The following ZNF366 variants were observed in gnomAD, a reference collection of about 807,000 sequenced individuals.
ZNF366 encodes the protein zinc finger protein 366.
A neutral mutation model predicts 47.2 loss-of-function variants in ZNF366; 20 were observed. The observed-to-expected ratio is 0.42, with a 90% CI of 0.30 to 0.62. ZNF366 has a LOEUF of 0.62. Ranked by LOEUF, ZNF366 falls within the 20% of genes least tolerant of loss-of-function variation. ZNF366 has a pLI of 0.16. For synonymous variants in ZNF366, 421 were observed against 395.1 expected, an observed-to-expected ratio of 1.07 and a Z score of -0.78; for missense variants, 987 against 976.3, an observed-to-expected ratio of 1.01 and a Z score of -0.15.
At chr5:72,465,463 A>T (rs1361391269) in intron 1 of ZNF366, among the ~76,000 whole-genome samples, 1 of 152,228 alleles carries the variant, frequency 6.6e-6, no homozygotes, top group Admixed American at 6.5e-5. Context: ...GGGTGTCCTC[A>T]GCAAAAATAT....
chr5:72,447,412 A>G lies in ZNF366; in HGVS notation c.1530T>C (p.Cys510=), dbSNP rs751566835. 6.2e-7 allele frequency: 1 copy of G among 1,614,082 alleles called. No individual in the cohort carries two copies. ...SDVKPFKCKL[C]GKEFNRMHNL... is the part of the protein sequence containing the mutation. ...TGTGCATCCGGTTGAATTCCTTCCCACAAAGCTGTTGAAGATGGGGATGAG... is the reference window on the plus strand; with the variant it reads ...TGTGCATCCGGTTGAATTCCTTCCCGCAAAGCTGTTGAAGATGGGGATGAG... Residue 510 remains cysteine, a synonymous_variant, in exon 4 of 5, where the codon TGT becomes TGC. Coordinates refer to ENST00000318442, the MANE Select transcript of ZNF366 (RefSeq NM_152625.3).
chr5:72,499,272 T>C (rs1325873350), intron 1 of ZNF366, among the ~76,000 whole-genome samples: 1 of 152,174 alleles, frequency 6.6e-6, no homozygotes, highest in Non-Finnish European at 1.5e-5. Flanking sequence ...GCAGACCATG[T>C]TGGAGGAAAC....
chr5:72,505,313 T>C (rs1220465382), intron 1 of ZNF366, among the ~76,000 whole-genome samples: 1 of 152,222 alleles, frequency 6.6e-6, no homozygotes, highest in Non-Finnish European at 1.5e-5. Context: ...GCTTTTATTC[T>C]TCGGGTAGCT....
In ZNF366 at chr5:72,461,251, C is replaced by A; in HGVS notation, c.246G>T (p.Met82Ile). 6.2e-7 allele frequency: 1 copy of A among 1,614,106 alleles called. No homozygotes were observed. The highest frequency in any genetic ancestry group is 8.5e-7 in the Non-Finnish European group (1 of 1,180,018). The change falls in exon 2 of 5, where the codon ATG becomes ATT. Residue 82 changes from methionine (M) to isoleucine (I), a missense_variant. This residue lies in a region of ZNF366 where 591 missense variants were observed against 560.9 expected (regional missense o/e 1.05). Transcript: ENST00000318442. ...GGTGGTTATAGGGCATCTTTGTGGG[C>A]ATGCTCTTCCGTTTCCTAGACCCTG... ...EGAGSRKRKS[M>I]PTKMPYNHPA...
chr5:72,471,576 G>A (rs776825959), intron 1 of ZNF366, among the ~76,000 whole-genome samples: 6 of 152,278 alleles, frequency 3.9e-5, no homozygotes, highest in East Asian at 1.9e-4. Context: ...TGGAGGGGCC[G>A]TTCCCATCAT....
intron 3 of ZNF366, 120 bp from the exon 4 acceptor site, chr5:72,447,537 A>G (rs753056229): frequency 5.7e-6 from 7 of 1,218,754 alleles, no homozygotes; most frequent in Non-Finnish European, 8.1e-6. Context: ...TCTGCTTGCA[A>G]GGAAAATGTC....
chr5:72,478,854 C>A (rs950451348), intron 1 of ZNF366, among the ~76,000 whole-genome samples: 3 of 152,160 alleles, frequency 2.0e-5, no homozygotes, highest in African/African-American at 7.2e-5. Context: ...AAGACATTGG[C>A]CTCTAAAAAT....
intron 2 of ZNF366, among the ~76,000 whole-genome samples, chr5:72,458,224 G>A (rs2112325580): frequency 6.6e-6 from 1 of 152,006 alleles, no homozygotes; most frequent in Admixed American, 6.5e-5. Flanking sequence ...CACCGTGTTA[G>A]CCAGGATGGT....
At position 72,444,062 on chromosome 5, in the gene ZNF366, G is replaced by A. The variant is rs767257324; in HGVS notation, c.1929C>T (p.Cys643=). The change falls in exon 5 of 5, where the codon TGC becomes TGT. Residue 643 remains cysteine (C), a synonymous_variant. Transcript: ENST00000318442. ...ACTTGGTGGACAGATCCTCGGGTGT[G>A]CAGAGCTGCTGGCTCTGGGGGGCCA... is the stretch of plus-strand genomic sequence containing the variant. ...PGLAPQSQQL[C]TPEDLSTKSE... is the part of the protein sequence containing the mutation. 1 of 1,614,194 alleles carries A rather than the reference G, an allele frequency of 6.2e-7. No homozygotes were observed. The highest frequency in any genetic ancestry group is 2.2e-5 in the East Asian group (1 of 44,888).
chr5:72,452,602 A>C lies in ZNF366; in HGVS notation c.1524+3802T>G, dbSNP rs113170616. ...GGGAAAATGGAGCCAGTTTGACAAC[A>C]GTGGTGGAACCCCTCTGCAGGGAGA... On this transcript the variant is annotated intron_variant, in intron 3 of 4. Transcript: ENST00000318442. 3.7e-3 allele frequency among the ~76,000 whole-genome samples: 567 copies of C among 152,328 alleles called. 4 individuals are homozygous for C. The highest frequency in any genetic ancestry group is 0.011 in the African/African-American group (474 of 41,576).
chr5:72,469,991 G>A (rs532659330), intron 1 of ZNF366, among the ~76,000 whole-genome samples: 11 of 152,278 alleles, frequency 7.2e-5, no homozygotes, highest in South Asian at 2.1e-4. Context: ...GCTGCAGTGA[G>A]CCCTGATCAT....
chr5:72,468,741 G>A (rs1199096038), intron 1 of ZNF366, among the ~76,000 whole-genome samples: 2 of 152,150 alleles, frequency 1.3e-5, no homozygotes, highest in African/African-American at 2.4e-5. Context: ...TTTTTGGAAA[G>A]CAGGAGTGAA....
chr5:72,497,667 T>C (rs1188599314), intron 1 of ZNF366, among the ~76,000 whole-genome samples: 1 of 152,174 alleles, frequency 6.6e-6, no homozygotes, highest in Non-Finnish European at 1.5e-5. Flanking sequence ...GGAGTCAATG[T>C]TACATTTTGA....
At chr5:72,485,979 G>A (rs1054977681) in intron 1 of ZNF366, among the ~76,000 whole-genome samples, 1 of 152,088 alleles carries the variant, frequency 6.6e-6, no homozygotes, top group African/African-American at 2.4e-5. Flanking sequence ...ACACAATACT[G>A]TGTCTGAAGT....
chr5:72,443,956 T>A lies in ZNF366; in HGVS notation c.2035A>T (p.Ser679Cys). ...CCCTCTGCCCCAAGGTCACCCTTGC[T>A]CCTCTTCTCCCATTCTCCCTTGGAT... The part of the protein sequence containing the change: ...DASKGEWEKR[S>C]KGDLGAEGGQ... The change falls in exon 5 of 5, where the codon AGC becomes TGC. Residue 679 changes from serine to cysteine, a missense_variant. Ser to Cys is a moderately radical substitution (Grantham distance 112, BLOSUM62 -1). Coordinates refer to ENST00000318442, the MANE Select transcript of ZNF366 (RefSeq NM_152625.3). The A allele has an allele frequency of 6.2e-7, 1 of 1,614,184 alleles. No homozygotes were observed. Among genetic ancestry groups the A allele is most frequent in the South Asian group, 1.1e-5 (1 of 91,088 alleles).
At chr5:72,504,087 G>GCACACACA (rs1561207642) in intron 1 of ZNF366, among the ~76,000 whole-genome samples, 9 of 151,400 alleles carry the variant, frequency 5.9e-5, no homozygotes, top group African/African-American at 2.2e-4. Context: ...ACACATGCGC[G>GCACACACA]CGCACACACG....
At chr5:72,485,466 T>C (rs556341467) in intron 1 of ZNF366, among the ~76,000 whole-genome samples, 43 of 152,292 alleles carry the variant, frequency 2.8e-4, no homozygotes, top group Middle Eastern at 3.4e-3. Context: ...GGTATATGAA[T>C]TAGCAAATCC....
chr5:72,450,963 T>G (rs1220059514), intron 3 of ZNF366, among the ~76,000 whole-genome samples: 5 of 152,156 alleles, frequency 3.3e-5, no homozygotes, highest in Non-Finnish European at 5.9e-5. Context: ...CACTAGGGGA[T>G]GGGAGTTAGA....
chr5:72,458,694 T>C (rs574047163), intron 2 of ZNF366, among the ~76,000 whole-genome samples: 13 of 152,304 alleles, frequency 8.5e-5, no homozygotes, highest in African/African-American at 2.9e-4. Context: ...CAACTGCAGA[T>C]CGGGAGTAGC....
Sources: allele counts gnomAD v4.1 joint callset (sites outside exome capture counted in the v4.1 genomes callset), GRCh38; gene constraint gnomAD v4.1.1; regional missense constraint gnomAD v4.1.1; transcripts MANE v1.5; gene names NCBI Gene and HGNC (gene_info 2026-07-23, HGNC 2026-07-21).